The following SDHAF3 variants were observed in gnomAD, a reference collection of about 807,000 sequenced individuals.
SDHAF3 encodes the protein succinate dehydrogenase assembly factor 3, mitochondrial.
SDHAF3 carries 18 observed loss-of-function variants against 11.5 expected under a neutral mutation model. That is an observed-to-expected ratio of 1.56 (90% CI 1.08 to 2.32). SDHAF3 has a LOEUF of 2.32. Among genes scored for constraint, SDHAF3 ranks in the 30% most tolerant of loss-of-function variants. The pLI, the probability that SDHAF3 is intolerant of heterozygous loss-of-function variation, is 0.00. For synonymous variants in SDHAF3, 72 were observed against 59.3 expected (o/e 1.21, Z -0.99); for missense variants, 200 against 154.4 (o/e 1.30, Z -1.57).
intron 1 of SDHAF3, among the ~76,000 whole-genome samples, chr7:97,152,828 G>A (rs991678149): frequency 5.9e-5 from 9 of 152,200 alleles, no homozygotes; most frequent in East Asian, 1.9e-4. Flanking sequence ...TTTTGTAGGC[G>A]TGGTGGTTTA....
At chr7:97,138,002 A>C (rs575221773) in intron 1 of SDHAF3, among the ~76,000 whole-genome samples, 1 of 148,944 alleles carries the variant, frequency 6.7e-6, no homozygotes, top group South Asian at 2.1e-4. Context: ...CCTCTTGAGT[A>C]GCTGGGATTA....
intron 1 of SDHAF3, among the ~76,000 whole-genome samples, chr7:97,157,069 C>G (rs945578593): frequency 6.6e-6 from 1 of 152,074 alleles, no homozygotes; most frequent in African/African-American, 2.4e-5. Flanking sequence ...GTTTTCTAAC[C>G]AGAAATTTTA....
At chr7:97,171,295 A>C (rs1236782619) in intron 1 of SDHAF3, among the ~76,000 whole-genome samples, 1 of 152,102 alleles carries the variant, frequency 6.6e-6, no homozygotes, top group Non-Finnish European at 1.5e-5. Flanking sequence ...TTTCCTAGAT[A>C]ATAATTGGCT....
intron 1 of SDHAF3, among the ~76,000 whole-genome samples, chr7:97,123,935 C>CGTT (rs1791537222): frequency 6.6e-6 from 1 of 151,744 alleles, no homozygotes; most frequent in Non-Finnish European, 1.5e-5. Context: ...AATTTTCTCC[C>CGTT]GTTCTGTAGG....
intron 1 of SDHAF3, among the ~76,000 whole-genome samples, chr7:97,173,546 ATT>A (rs10538365): frequency 0.29 from 38,887 of 135,324 alleles, 5,116 homozygotes; most frequent in Non-Finnish European, 0.33. Flanking sequence ...CAAAATTAGA[ATT>A]TTTTTTTTTT....
At chr7:97,156,660 G>A (rs1045687022) in intron 1 of SDHAF3, among the ~76,000 whole-genome samples, 1 of 152,070 alleles carries the variant, frequency 6.6e-6, no homozygotes, top group Non-Finnish European at 1.5e-5. Flanking sequence ...CAGTGCAGGG[G>A]AACAGGAGAA....
intron 1 of SDHAF3, 139 bp from the exon 2 acceptor site, chr7:97,180,873 A>C: frequency 1.4e-6 from 1 of 697,224 alleles, no homozygotes. Flanking sequence ...CTTCACAACT[A>C]TATTTATATC....
At chr7:97,120,289 A>G (rs142942235) in intron 1 of SDHAF3, among the ~76,000 whole-genome samples, 48 of 152,254 alleles carry the variant, frequency 3.2e-4, no homozygotes, top group African/African-American at 1.1e-3. Flanking sequence ...TGTATAACAT[A>G]ATTATCACAG....
chr7:97,176,781 A>T (rs1350830297), intron 1 of SDHAF3, among the ~76,000 whole-genome samples: 1 of 152,198 alleles, frequency 6.6e-6, no homozygotes, highest in African/African-American at 2.4e-5. Flanking sequence ...ATTATAAATT[A>T]TACCCTAAGT....
intron 1 of SDHAF3, among the ~76,000 whole-genome samples, chr7:97,158,522 T>C (rs1206540849): frequency 6.6e-6 from 1 of 152,160 alleles, no homozygotes; most frequent in Non-Finnish European, 1.5e-5. Flanking sequence ...AGACGGGGTT[T>C]CACCATGTTG....
chr7:97,121,213 C>T (rs145520555), intron 1 of SDHAF3, among the ~76,000 whole-genome samples: 1 of 152,276 alleles, frequency 6.6e-6, no homozygotes, highest in East Asian at 1.9e-4. Context: ...TCTGACTGTG[C>T]TCATTTTTGA....
intron 1 of SDHAF3, among the ~76,000 whole-genome samples, chr7:97,150,595 G>C (rs1031522632): frequency 3.8e-5 from 5 of 132,632 alleles, no homozygotes; most frequent in African/African-American, 1.4e-4. Flanking sequence ...ATGGGGTCTC[G>C]CTCTGTCCCC....
intron 1 of SDHAF3, among the ~76,000 whole-genome samples, chr7:97,133,472 C>T (rs1240548381): frequency 6.6e-6 from 1 of 152,118 alleles, no homozygotes; most frequent in Non-Finnish European, 1.5e-5. Flanking sequence ...AGAAAACATC[C>T]CTTTAGTGAT....
At chr7:97,135,949 A>G (rs1484306821) in intron 1 of SDHAF3, among the ~76,000 whole-genome samples, 1 of 151,882 alleles carries the variant, frequency 6.6e-6, no homozygotes, top group Non-Finnish European at 1.5e-5. Flanking sequence ...GGCCTCCCAA[A>G]GTGCTGGGAT....
chr7:97,153,375 A>G (rs971552787), intron 1 of SDHAF3, among the ~76,000 whole-genome samples: 4 of 152,104 alleles, frequency 2.6e-5, no homozygotes, highest in African/African-American at 9.7e-5. Context: ...GTGTCTTTTC[A>G]TGGCTTGATC....
chr7:97,148,371 C>T (rs62499471), intron 1 of SDHAF3, among the ~76,000 whole-genome samples: 26,183 of 152,018 alleles, frequency 0.17, 2,864 homozygotes, highest in Non-Finnish European at 0.25. Flanking sequence ...CTTGTCTCTA[C>T]AACAATGTTT....
chr7:97,129,928 TG>T, intron 1 of SDHAF3, among the ~76,000 whole-genome samples: 1 of 152,136 alleles, frequency 6.6e-6, no homozygotes, highest in East Asian at 1.9e-4. Context: ...TGCGGTGGGA[TG>T]GGCAGCTTCA....
intron 1 of SDHAF3, among the ~76,000 whole-genome samples, chr7:97,122,452 A>G (rs1791516024): frequency 6.6e-6 from 1 of 152,110 alleles, no homozygotes; most frequent in Non-Finnish European, 1.5e-5. Context: ...TCAAATAGGT[A>G]TATACCTAAA....
At chr7:97,152,182 T>A (rs1025432389) in intron 1 of SDHAF3, among the ~76,000 whole-genome samples, 32 of 152,152 alleles carry the variant, frequency 2.1e-4, no homozygotes, top group African/African-American at 7.5e-4. Flanking sequence ...CCCCAATGGG[T>A]TCTACTTGCC....
Sources: gnomAD v4.1 joint callset for allele counts (sites outside exome capture counted in the v4.1 genomes callset) on GRCh38, gnomAD v4.1.1 for gene constraint, MANE v1.5 for transcripts, NCBI Gene and HGNC (gene_info 2026-07-23, HGNC 2026-07-21) for gene names.